HS3ST4: variants seen among roughly 807,000 people sequenced by gnomAD.
The protein encoded by HS3ST4 is heparan sulfate glucosamine 3-O-sulfotransferase 4.
Under a neutral mutation model 29.2 loss-of-function variants are expected in HS3ST4, and 17 were observed. The ratio of observed to expected loss-of-function variants is 0.58; its 90% CI spans 0.40 to 0.87. The LOEUF is 0.87. Ranked by LOEUF, HS3ST4 falls within the 40% of genes least tolerant of loss-of-function variation. The pLI is 0.00. For synonymous variants in HS3ST4, 314 were observed against 285.7 expected (o/e 1.10, Z -1.00); for missense variants, 627 against 634.5 (o/e 0.99, Z 0.13).
chr16:25,877,641 G>A (rs1201111823), intron 1 of HS3ST4, among the ~76,000 whole-genome samples: 1 of 152,170 alleles, frequency 6.6e-6, no homozygotes, highest in African/African-American at 2.4e-5. Context: ...AACCTTTGGA[G>A]GAAGCATAGC....
At chr16:25,969,076 C>G (rs983307334) in intron 1 of HS3ST4, among the ~76,000 whole-genome samples, 1 of 152,188 alleles carries the variant, frequency 6.6e-6, no homozygotes, top group African/African-American at 2.4e-5. Context: ...TCTCGGCCTC[C>G]CAAAGTGCTG....
At chr16:25,869,308 A>G (rs1967725783) in intron 1 of HS3ST4, among the ~76,000 whole-genome samples, 1 of 152,036 alleles carries the variant, frequency 6.6e-6, no homozygotes, top group South Asian at 2.1e-4. Flanking sequence ...TTTCTCCGCA[A>G]GCAAAGGACA....
rs192765844 is a variant in HS3ST4 at position 25,734,032 on chromosome 16, G to A, written c.734+40881G>A. On this transcript the variant is annotated intron_variant, in intron 1 of 1. Transcript: ENST00000331351. ...CTTGGGAGGCTGAGGCAGAAGAATC[G>A]CTTGAACCCTGGAGGCAGAGGTTGC... 6.8e-4 allele frequency among the ~76,000 whole-genome samples: 104 copies of A among 152,278 alleles called. 1 individual carries two copies. The highest frequency in any genetic ancestry group is 2.5e-3 in the African/African-American group (103 of 41,550).
chr16:26,126,215 G>A (rs1899341756), intron 1 of HS3ST4, among the ~76,000 whole-genome samples: 1 of 152,090 alleles, frequency 6.6e-6, no homozygotes, highest in African/African-American at 2.4e-5. Context: ...TGGCCAGAAG[G>A]TCTTCAAAAA....
intron 1 of HS3ST4, among the ~76,000 whole-genome samples, chr16:25,850,454 C>A (rs903020234): frequency 6.6e-6 from 1 of 152,102 alleles, no homozygotes; most frequent in African/African-American, 2.4e-5. Flanking sequence ...AAATGCCTAG[C>A]CCCCCAAATA....
intron 1 of HS3ST4, among the ~76,000 whole-genome samples, chr16:26,080,543 A>G (rs1162890560): frequency 6.6e-6 from 1 of 152,190 alleles, no homozygotes; most frequent in South Asian, 2.1e-4. Context: ...AGAAGGCAGG[A>G]AAGCAAATGG....
intron 1 of HS3ST4, among the ~76,000 whole-genome samples, chr16:25,950,281 C>G (rs1350440936): frequency 6.6e-6 from 1 of 151,982 alleles, no homozygotes; most frequent in Non-Finnish European, 1.5e-5. Context: ...TAGCTTACTC[C>G]CATCAACACA....
At chr16:26,127,182 C>A (rs1899355192) in intron 1 of HS3ST4, among the ~76,000 whole-genome samples, 1 of 152,156 alleles carries the variant, frequency 6.6e-6, no homozygotes, top group African/African-American at 2.4e-5. Context: ...AGTCCCACTC[C>A]CAAGGTCCTT....
chr16:25,976,458 A>T (rs183278070), intron 1 of HS3ST4, among the ~76,000 whole-genome samples: 7 of 152,214 alleles, frequency 4.6e-5, no homozygotes, highest in Admixed American at 2.6e-4. Context: ...GATGCGTACC[A>T]CCATGCCCAT....
At chr16:25,864,723 T>A (rs1208461144) in intron 1 of HS3ST4, among the ~76,000 whole-genome samples, 5 of 152,128 alleles carry the variant, frequency 3.3e-5, no homozygotes, top group Non-Finnish European at 7.3e-5. Context: ...CAGAGTTTCC[T>A]TCTTGTTTGT....
chr16:25,975,234 A>G (rs1339297242), intron 1 of HS3ST4, among the ~76,000 whole-genome samples: 3 of 151,954 alleles, frequency 2.0e-5, no homozygotes, highest in Admixed American at 6.6e-5. Flanking sequence ...AGCAGGAGCT[A>G]AACATTGGGT....
intron 1 of HS3ST4, among the ~76,000 whole-genome samples, chr16:25,741,365 T>TAA (rs66788248): frequency 0.082 from 5,393 of 66,134 alleles, 527 homozygotes; most frequent in African/African-American, 0.15. Context: ...GAATTCAAGG[T>TAA]AAAAAAAAAA....
intron 1 of HS3ST4, among the ~76,000 whole-genome samples, chr16:26,004,864 T>G (rs1236368542): frequency 6.6e-6 from 1 of 152,220 alleles, no homozygotes; most frequent in Non-Finnish European, 1.5e-5. Flanking sequence ...GTCACTTGTT[T>G]ATGCCTGAAC....
chr16:25,694,621 T>A lies in HS3ST4; in HGVS notation c.734+1470T>A, dbSNP rs534930784. ...ATGGCTTCCAGTTTGTGATTATAAT[T>A]AAAAAGGTGTTAGGATGATTAATGC... is the stretch of plus-strand genomic sequence containing the variant. On this transcript the variant is annotated intron_variant, in intron 1 of 1. Transcript: ENST00000331351. Among the ~76,000 whole-genome samples the A allele has an allele frequency of 6.4e-4, 97 of 152,282 alleles. 3 individuals carry two copies. The South Asian group carries it at 0.019, about 30-fold the overall frequency.
chr16:25,693,723 A>G lies in HS3ST4; in HGVS notation c.734+572A>G, dbSNP rs79693563. On this transcript the variant is annotated intron_variant, in intron 1 of 1. Transcript: ENST00000331351. ...AGAAAGGATGCCTCCCACCTCCGTA[A>G]CTTTCCATCCCCCTTGGCTGAATGA... Among the ~76,000 whole-genome samples the G allele has an allele frequency of 2.3e-3, 344 of 152,268 alleles. 2 individuals carry two copies. The highest frequency in any genetic ancestry group is 7.7e-3 in the African/African-American group (318 of 41,548).
intron 1 of HS3ST4, among the ~76,000 whole-genome samples, chr16:25,711,828 G>A (rs1431837803): frequency 6.6e-6 from 1 of 152,096 alleles, no homozygotes; most frequent in Admixed American, 6.5e-5. Context: ...TATCAGGGCC[G>A]ATTTTGCCCA....
intron 1 of HS3ST4, among the ~76,000 whole-genome samples, chr16:25,829,145 T>G (rs1409326390): frequency 6.6e-6 from 1 of 152,224 alleles, no homozygotes; most frequent in Admixed American, 6.5e-5. Flanking sequence ...ACATGAACAT[T>G]AAGGTTGTTA....
At chr16:25,704,676 G>A (rs563591872) in intron 1 of HS3ST4, among the ~76,000 whole-genome samples, 3 of 152,024 alleles carry the variant, frequency 2.0e-5, no homozygotes, top group East Asian at 3.9e-4. Context: ...TCAGGAGTTC[G>A]AGACCAGCCT....
intron 1 of HS3ST4, among the ~76,000 whole-genome samples, chr16:25,757,458 A>G (rs1287311093): frequency 1.3e-5 from 2 of 151,946 alleles, no homozygotes; most frequent in African/African-American, 2.4e-5. Flanking sequence ...GCAACCCTGC[A>G]TTGAGAAAGT....
Sources: gnomAD v4.1 joint callset for allele counts (sites outside exome capture counted in the v4.1 genomes callset) on GRCh38, gnomAD v4.1.1 for gene constraint, MANE v1.5 for transcripts, NCBI Gene and HGNC (gene_info 2026-07-23, HGNC 2026-07-21) for gene names.